ADAM12: variants seen among roughly 807,000 people sequenced by gnomAD.
ADAM12 encodes the protein disintegrin and metalloproteinase domain-containing protein 12.
In ADAM12, 70 loss-of-function variants were observed where a neutral mutation model predicts 106.4. The ratio of observed to expected loss-of-function variants is 0.66; its 90% CI spans 0.54 to 0.80. ADAM12 has a LOEUF of 0.80. ADAM12 is among the 30% of genes least tolerant of loss of function. The probability of loss-of-function intolerance (pLI) is 0.00; values close to 1 mark genes in which losing one functional copy is unlikely to be tolerated. For missense variants in ADAM12, 1,010 were observed against 1,171.9 expected, an observed-to-expected ratio of 0.86 and a Z score of 2.02; for synonymous variants, 420 against 433.5, an observed-to-expected ratio of 0.97 and a Z score of 0.39.
intron 8 of ADAM12, among the ~76,000 whole-genome samples, chr10:126,105,025 C>A (rs1955737986): frequency 6.6e-6 from 1 of 152,156 alleles, no homozygotes; most frequent in South Asian, 2.1e-4. Context: ...CTGGGTATCT[C>A]CTCCAAGGTC....
chr10:126,270,360 C>T (rs1959169472), intron 3 of ADAM12, among the ~76,000 whole-genome samples: 1 of 152,102 alleles, frequency 6.6e-6, no homozygotes, highest in Admixed American at 6.5e-5. Flanking sequence ...GACAGATATC[C>T]CAAATTCTCA....
rs74161631 is a variant in ADAM12 at position 126,272,034 on chromosome 10, T to G, written c.260+6881A>C. On this transcript the variant is annotated intron_variant, in intron 3 of 22. Coordinates refer to ENST00000448723, the MANE Select transcript of ADAM12 (RefSeq NM_001288973.2). ...GGCTCTTCCCTCTGTGTGCACAGCT[T>G]AAGAGCTGCTTCATTCTACATTTTC... 2.7e-3 allele frequency among the ~76,000 whole-genome samples: 411 copies of G among 152,298 alleles called. 2 individuals are homozygous for G. Among genetic ancestry groups the G allele is most frequent in the African/African-American group, 9.5e-3 (394 of 41,556 alleles).
intron 3 of ADAM12, among the ~76,000 whole-genome samples, chr10:126,255,063 G>T (rs575772459): frequency 6.6e-6 from 1 of 152,302 alleles, no homozygotes; most frequent in South Asian, 2.1e-4. Flanking sequence ...CCGAAGTGGG[G>T]TCAGCTTGGA....
chr10:126,388,120 G>A lies in ADAM12; in HGVS notation c.26C>T (p.Ser9Phe). The A allele has an allele frequency of 8.2e-7, 1 of 1,222,710 alleles. No homozygotes were observed. The highest frequency in any genetic ancestry group is 1.0e-6 in the Non-Finnish European group (1 of 981,742). 75.7% of individuals were successfully genotyped at this position (1,222,710 alleles called of 1,614,324 possible). MAARPLPVSPARALLLALA... is the reference protein window; with the variant it reads MAARPLPVFPARALLLALA... ...GGCGAGCAGGAGGGCGCGGGCGGGG[G>A]ACACGGGCAGCGGGCGCGCTGCCAT... Residue 9 changes from serine to phenylalanine, a missense_variant, in exon 1 of 23, where the codon TCC becomes TTC. Ser to Phe is a radical substitution (Grantham distance 155). Around this residue, in one of 3 missense-constraint regions of ADAM12, gnomAD observed 391 missense variants for 442.9 expected, o/e 0.88. Coordinates refer to ENST00000448723, the MANE Select transcript of ADAM12 (RefSeq NM_001288973.2). The surrounding 1 kb of genome is among the most constrained non-coding windows in gnomAD (Gnocchi z 4.4).
At chr10:126,360,089 G>A (rs1350868140) in intron 1 of ADAM12, among the ~76,000 whole-genome samples, 1 of 152,206 alleles carries the variant, frequency 6.6e-6, no homozygotes. Flanking sequence ...CATGGCTAGA[G>A]CAGCTGGAAT....
chr10:126,082,936 TC>T (rs1955257438), intron 11 of ADAM12, among the ~76,000 whole-genome samples: 1 of 152,166 alleles, frequency 6.6e-6, no homozygotes, highest in South Asian at 2.1e-4. Context: ...TTCAGGTCTT[TC>T]CCCAGTTATG....
intron 1 of ADAM12, among the ~76,000 whole-genome samples, chr10:126,357,206 G>A (rs557853316): frequency 6.6e-6 from 1 of 152,126 alleles, no homozygotes; most frequent in African/African-American, 2.4e-5. Flanking sequence ...TGTGAGAGCA[G>A]CAAAAGATAA....
chr10:126,176,960 T>G (rs74158378), intron 3 of ADAM12, among the ~76,000 whole-genome samples: 3,923 of 152,218 alleles, frequency 0.026, 162 homozygotes, highest in African/African-American at 0.089. Flanking sequence ...GCTGCCCTGT[T>G]TGTATACAGC....
intron 11 of ADAM12, among the ~76,000 whole-genome samples, chr10:126,087,961 C>T (rs1278365): frequency 0.7 from 106,670 of 152,132 alleles, 37,905 homozygotes; most frequent in East Asian, 0.82. Context: ...TTAATTCTTC[C>T]GAGATCGGTT....
At chr10:126,108,183 G>A (rs1273829666) in intron 8 of ADAM12, among the ~76,000 whole-genome samples, 1 of 152,166 alleles carries the variant, frequency 6.6e-6, no homozygotes, top group Non-Finnish European at 1.5e-5. Flanking sequence ...GGTTACATTG[G>A]TACAGGCCTG....
chr10:126,155,563 C>G (rs1013276206), intron 3 of ADAM12, among the ~76,000 whole-genome samples: 1 of 152,190 alleles, frequency 6.6e-6, no homozygotes, highest in African/African-American at 2.4e-5. Context: ...CCCTCTCTCC[C>G]TTCCTCCCAC....
intron 12 of ADAM12, 140 bp downstream of exon 12, chr10:126,071,337 G>T: frequency 7.1e-6 from 7 of 990,506 alleles, no homozygotes; most frequent in Non-Finnish European, 1.0e-5. Flanking sequence ...CACGGGGCTT[G>T]TTCAGGATGG....
chr10:126,377,460 T>C (rs908002262), intron 1 of ADAM12, among the ~76,000 whole-genome samples: 5 of 151,774 alleles, frequency 3.3e-5, no homozygotes, highest in African/African-American at 9.7e-5. Context: ...TCTAGTCTTT[T>C]CACATTTTTT....
intron 1 of ADAM12, among the ~76,000 whole-genome samples, chr10:126,344,236 A>G (rs1306474859): frequency 1.3e-5 from 2 of 152,188 alleles, no homozygotes; most frequent in Non-Finnish European, 2.9e-5. Flanking sequence ...AGCTTTCTAC[A>G]TATGGCTAGC....
At chr10:126,235,020 C>A (rs2133634687) in intron 3 of ADAM12, among the ~76,000 whole-genome samples, 1 of 152,282 alleles carries the variant, frequency 6.6e-6, no homozygotes, top group Middle Eastern at 3.4e-3. Flanking sequence ...GGGACTAGGA[C>A]TGGATGGACA....
At chr10:126,111,940 T>C (rs755251922) in intron 6 of ADAM12, among the ~76,000 whole-genome samples, 1 of 152,202 alleles carries the variant, frequency 6.6e-6, no homozygotes, top group East Asian at 1.9e-4. Context: ...GTTTTTAAAT[T>C]TGTGATATGG....
chr10:126,121,534 AATAAT>A (rs1956116223), intron 5 of ADAM12, among the ~76,000 whole-genome samples: 1 of 143,988 alleles, frequency 6.9e-6, no homozygotes, highest in South Asian at 2.1e-4. Context: ...ATAATTATAT[AATAAT>A]ATATAATCTT....
rs770911390 is a variant in ADAM12 at position 126,071,573 on chromosome 10, C to T, written c.1227G>A (p.Leu409=). ...ACTCCCTGACTTCCGGCAGGTTAAA[C>T]AGGCACACCCCCATTCCTTTCTCCA... ...TSLEKGMGVC[L]FNLPEVRESF... is the part of the protein sequence containing the mutation. Residue 409 remains leucine, a synonymous_variant, in exon 12 of 23, where the codon CTG becomes CTA. Coordinates refer to ENST00000448723, the MANE Select transcript of ADAM12 (RefSeq NM_001288973.2). The T allele has an allele frequency of 1.2e-6, 2 of 1,614,074 alleles. No individual in the cohort carries two copies. The highest frequency in any genetic ancestry group is 4.5e-5 in the East Asian group (2 of 44,892).
chr10:126,381,754 G>A (rs569298906), intron 1 of ADAM12, among the ~76,000 whole-genome samples: 5 of 151,956 alleles, frequency 3.3e-5, no homozygotes, highest in Admixed American at 6.5e-5. Context: ...CATCTGCTTC[G>A]GCCTCCCAAA....
Sources: allele counts gnomAD v4.1 joint callset (sites outside exome capture counted in the v4.1 genomes callset), GRCh38; gene constraint gnomAD v4.1.1; regional missense constraint gnomAD v4.1.1; non-coding constraint Gnocchi (gnomAD v3.1); transcripts MANE v1.5; gene names NCBI Gene and HGNC (gene_info 2026-07-23, HGNC 2026-07-21).